F13B: variants seen among roughly 807,000 people sequenced by gnomAD.
The protein encoded by F13B is TGase.
A neutral mutation model predicts 79.8 loss-of-function variants in F13B; 58 were observed. The ratio of observed to expected loss-of-function variants is 0.73; its 90% confidence interval spans 0.59 to 0.90. The LOEUF (loss-of-function observed/expected upper bound fraction) is 0.90, where lower values mean the gene tolerates loss of function less well. Ranked by LOEUF, F13B falls within the 40% of genes least tolerant of loss-of-function variation. The probability of loss-of-function intolerance (pLI) is 0.00; values close to 1 mark genes in which losing one functional copy is unlikely to be tolerated. For synonymous variants in F13B, 283 were observed against 260.3 expected, an observed-to-expected ratio of 1.09 and a Z score of -0.84; for missense variants, 773 against 777.0, an observed-to-expected ratio of 0.99 and a Z score of 0.06.
rs1571546752 is a variant in F13B, at chr1:197,040,470, A to G, written c.1952+52T>C. 6 of 1,287,718 alleles carry G rather than the reference A, an allele frequency of 4.7e-6. No homozygotes were observed. In the East Asian group the frequency reaches 1.4e-4, roughly 30 times the overall value. The allele number at this position is 1,287,718 out of a possible 1,614,324, so 79.8% of individuals were successfully genotyped here. ...GAACATAACATTTCTGAAATGTTGA[A>G]TAACAATCTGACCAAAAAAAATAAT... On this transcript the variant is annotated intron_variant, in intron 11 of 11. Transcript: ENST00000367412.
At chr1:197,060,768 C>G (rs1470920736) in intron 4 of F13B, 131 bp downstream of exon 4, 1 of 872,518 alleles carries the variant, frequency 1.1e-6, no homozygotes, top group African/African-American at 1.7e-5. Context: ...AGACTGCTAT[C>G]AACATAATTA....
Position 197,040,658 on chromosome 1 carries a change from T to C in F13B, c.1816A>G (p.Ile606Val), listed in dbSNP as rs1240404236. The change falls in exon 11 of 12, where the codon ATT (isoleucine) becomes GTT (valine). Residue 606 changes from isoleucine to valine, a missense_variant. Transcript: ENST00000367412. ...AACTCAATATATTCACCATGCAAAA[T>C]GTGTGGTCTATTGTCAAAATCCCAT... ...LKWDFDNRPH[I>V]LHGEYIEFIC... 1 of 1,613,070 alleles carries C rather than the reference T, an allele frequency of 6.2e-7. No individual in the cohort carries two copies. Among genetic ancestry groups the C allele is most frequent in the South Asian group, 1.1e-5 (1 of 91,028 alleles).
chr1:197,052,772 C>T lies in F13B; in HGVS notation c.1417G>A (p.Glu473Lys). The change falls in exon 9 of 12, where the codon GAA (glutamate) becomes AAA (lysine). Residue 473 changes from glutamate (E) to lysine (K), a missense_variant. Transcript: ENST00000367412. Reference sequence around the variant, plus strand: ...AAATCTCCATGTAAGACTTTCCCTTCATATTTCCACTTCATTTCTATGTTA... The same window carrying T: ...AAATCTCCATGTAAGACTTTCCCTTTATATTTCCACTTCATTTCTATGTTA... The part of the protein sequence containing the change: ...RNNIEMKWKY[E>K]GKVLHGDLID... 1 of 1,611,096 alleles carries T rather than the reference C, an allele frequency of 6.2e-7. No individual in the cohort carries two copies. Among genetic ancestry groups the T allele is most frequent in the Non-Finnish European group, 8.5e-7 (1 of 1,178,664 alleles).
chr1:197,054,127 A>G (rs2125065683), intron 8 of F13B, among the ~76,000 whole-genome samples: 1 of 152,226 alleles, frequency 6.6e-6, no homozygotes, highest in African/African-American at 2.4e-5. Context: ...AACAATGATT[A>G]ATCTTCATTT....
rs777784021 is a variant in F13B, at chr1:197,040,730, A to C, written c.1744T>G (p.Cys582Gly). The C allele has an allele frequency of 1.8e-5, 29 of 1,607,288 alleles. No homozygotes were observed. Among genetic ancestry groups the C allele is most frequent in the Non-Finnish European group, 8.5e-7 (1 of 1,174,924 alleles). Reference protein sequence around the residue: ...WTTPPLCLEPCTLSFTEMEKN... With the variant: ...WTTPPLCLEPGTLSFTEMEKN... ...TCCATTTCAGTAAAAGATAATGTGCATGGCTCTGGGAACAACAATTTAAAA... is the reference window on the plus strand; with the variant it reads ...TCCATTTCAGTAAAAGATAATGTGCCTGGCTCTGGGAACAACAATTTAAAA... The change falls in exon 11 of 12, where the codon TGC becomes GGC. Residue 582 changes from cysteine to glycine, a missense_variant. Physicochemically the swap from Cys to Gly is radical, Grantham distance 159 (BLOSUM62 -3). Coordinates refer to ENST00000367412, the MANE Select transcript of F13B (RefSeq NM_001994.3).
chr1:197,059,577 T>C (rs772702836), intron 5 of F13B, among the ~76,000 whole-genome samples: 44 of 152,180 alleles, frequency 2.9e-4, no homozygotes, highest in Non-Finnish European at 3.1e-4. Context: ...AACTGCTACT[T>C]ATCTCTTAAG....
chr1:197,065,744 T>A (rs181653112), intron 1 of F13B, among the ~76,000 whole-genome samples: 2 of 152,174 alleles, frequency 1.3e-5, no homozygotes, highest in Non-Finnish European at 1.5e-5. Flanking sequence ...CCAGAGCTAT[T>A]TGTGGTTGAG....
chr1:197,066,099 T>A (rs1406256536), intron 1 of F13B, among the ~76,000 whole-genome samples: 1 of 152,102 alleles, frequency 6.6e-6, no homozygotes, highest in African/African-American at 2.4e-5. Context: ...CAATTATATC[T>A]GCTGGTATTT....
At chr1:197,044,057 T>A (rs6672693) in intron 10 of F13B, among the ~76,000 whole-genome samples, 3 of 145,790 alleles carry the variant, frequency 2.1e-5, no homozygotes, top group African/African-American at 8.0e-5. Flanking sequence ...ATATATATAT[T>A]TATATATATA....
At chr1:197,062,440 C>T (rs1379746607) in intron 2 of F13B, among the ~76,000 whole-genome samples, 1 of 152,112 alleles carries the variant, frequency 6.6e-6, no homozygotes, top group Non-Finnish European at 1.5e-5. Context: ...GAGAAGTTGG[C>T]ACATGAAGAG....
intron 5 of F13B, 90 bp downstream of exon 5, chr1:197,060,276 A>G: frequency 1.1e-6 from 1 of 912,830 alleles, no homozygotes; most frequent in East Asian, 2.5e-5. Flanking sequence ...GAAAAAAAAT[A>G]GATATGACCA....
chr1:197,055,783 T>C lies in F13B; in HGVS notation c.1286A>G (p.Tyr429Cys). 6.2e-7 allele frequency: 1 copy of C among 1,613,654 alleles called. No individual in the cohort carries two copies. Among genetic ancestry groups the C allele is most frequent in the Non-Finnish European group, 8.5e-7 (1 of 1,179,742 alleles). The change falls in exon 8 of 12, where the codon TAC becomes TGC. Residue 429 changes from tyrosine (Y) to cysteine (C), a missense_variant. By Grantham distance (194) the Tyr-to-Cys change is radical. Transcript: ENST00000367412. Reference protein sequence around the residue: ...SSVEYRCNEYYLLRGSKISRC... With the variant: ...SSVEYRCNEYCLLRGSKISRC... ...AGATATTTTTGATCCCCTCAGTAAG[T>C]AATATTCATTGCATCTATATTCCAC...
intron 10 of F13B, among the ~76,000 whole-genome samples, chr1:197,044,701 A>T (rs1306134184): frequency 6.6e-6 from 1 of 152,196 alleles, no homozygotes; most frequent in East Asian, 1.9e-4. Flanking sequence ...TCAAAAGAAT[A>T]TACATTCTTC....
intron 8 of F13B, among the ~76,000 whole-genome samples, chr1:197,054,106 CT>C (rs1655553146): frequency 6.6e-6 from 1 of 152,130 alleles, no homozygotes; most frequent in African/African-American, 2.4e-5. Flanking sequence ...GCCCCTTTCT[CT>C]TGCCCTGATA....
rs111320296 is a variant in F13B, at chr1:197,047,408, C to T, written c.1738+3289G>A. On this transcript the variant is annotated intron_variant, in intron 10 of 11. Transcript: ENST00000367412. ...CAGCCAACAGACATATGAAAAAATGCTCATCATCACTGGTCATCAGAACCA... is the reference window on the plus strand; with the variant it reads ...CAGCCAACAGACATATGAAAAAATGTTCATCATCACTGGTCATCAGAACCA... Among the ~76,000 whole-genome samples, 82 of 152,256 alleles carry T rather than the reference C, an allele frequency of 5.4e-4. 1 individual carries two copies. Among genetic ancestry groups the T allele is most frequent in the African/African-American group, 1.9e-3 (80 of 41,560 alleles).
chr1:197,061,667 T>C, intron 3 of F13B, 117 bp downstream of exon 3: 1 of 868,796 alleles, frequency 1.2e-6, no homozygotes, highest in East Asian at 2.7e-5. Context: ...ACTTCCTGCA[T>C]TGTAGACATA....
At position 197,039,245 on chromosome 1, in the gene F13B, A is replaced by G. The variant is rs1233666594; in HGVS notation, c.*133T>C. The G allele has an allele frequency of 6.7e-6, 5 of 742,828 alleles. No homozygotes were observed. Among genetic ancestry groups the G allele is most frequent in the Non-Finnish European group, 1.2e-5 (5 of 433,876 alleles). The allele number at this position is 742,828 out of a possible 1,614,324, so 46.0% of individuals were successfully genotyped here. A position where few individuals can be genotyped will look rare whatever the true frequency, so the allele number is the denominator to read the frequency against. ...TTCATTTATAAATAACGAAATGTTC[A>G]GCACAAATAATTTAGATTCAAATAT... On this transcript the variant is annotated 3_prime_UTR_variant, in exon 12 of 12. Coordinates refer to ENST00000367412, the MANE Select transcript of F13B (RefSeq NM_001994.3).
Position 197,040,513 on chromosome 1 carries a change from AC to A in F13B, c.1952+8del. The A allele has an allele frequency of 6.2e-7, 1 of 1,604,424 alleles. No homozygotes were observed. Among genetic ancestry groups the A allele is most frequent in the Non-Finnish European group, 8.5e-7 (1 of 1,173,558 alleles). ...AAAATAATCTGACCAAAAAAAAAAA[AC>A]TTCTTACCTTTGTCTTGGAATACAT... is the stretch of plus-strand genomic sequence containing the variant. On this transcript the variant is annotated splice_region_variant and intron_variant, in intron 11 of 11. Coordinates refer to ENST00000367412, the MANE Select transcript of F13B (RefSeq NM_001994.3).
intron 5 of F13B, among the ~76,000 whole-genome samples, chr1:197,057,798 A>T (rs1008747049): frequency 6.6e-6 from 1 of 152,202 alleles, no homozygotes; most frequent in South Asian, 2.1e-4. Context: ...AAGAGGCTAC[A>T]TCATGAGCTT....
Sources: allele counts gnomAD v4.1 joint callset (sites outside exome capture counted in the v4.1 genomes callset), GRCh38; gene constraint gnomAD v4.1.1; transcripts MANE v1.5; gene names NCBI Gene and HGNC (gene_info 2026-07-23, HGNC 2026-07-21).